The following RAB3C variants were observed in gnomAD, a reference collection of about 807,000 sequenced individuals.
RAB3C encodes RAB3C, member RAS oncogene family.
Under a neutral mutation model 26.4 loss-of-function variants are expected in RAB3C, and 17 were observed. The observed-to-expected ratio is 0.64, with a 90% CI of 0.44 to 0.97. The LOEUF is 0.97. Among genes scored for constraint, RAB3C ranks in the 50% least tolerant of loss-of-function variants. RAB3C has a pLI of 0.00. For synonymous variants in RAB3C, 91 were observed against 95.9 expected (o/e 0.95, Z 0.30); for missense variants, 242 against 281.9 (o/e 0.86, Z 1.01).
chr5:58,640,038 G>C (rs158966), intron 2 of RAB3C, among the ~76,000 whole-genome samples: 1 of 152,006 alleles, frequency 6.6e-6, no homozygotes, highest in Non-Finnish European at 1.5e-5. Flanking sequence ...TACATAAAGG[G>C]AATCTACTGC....
chr5:58,839,766 C>T (rs1261352604), intron 4 of RAB3C, among the ~76,000 whole-genome samples: 1 of 152,114 alleles, frequency 6.6e-6, no homozygotes, highest in Admixed American at 6.6e-5. Flanking sequence ...TTTTTACTTC[C>T]AAATGTAAGA....
At chr5:58,613,279 C>G (rs9292168) in intron 1 of RAB3C, among the ~76,000 whole-genome samples, 19,909 of 152,182 alleles carry the variant, frequency 0.13, 1,686 homozygotes, top group South Asian at 0.2. Flanking sequence ...AAGACACCAA[C>G]TTTTAAAGGT....
intron 3 of RAB3C, among the ~76,000 whole-genome samples, chr5:58,750,057 T>C (rs577545988): frequency 6.6e-6 from 1 of 152,328 alleles, no homozygotes; most frequent in South Asian, 2.1e-4. Flanking sequence ...ATTTATTAAA[T>C]GTATAGTATA....
chr5:58,663,773 C>A (rs1008643999), intron 2 of RAB3C, among the ~76,000 whole-genome samples: 9 of 151,938 alleles, frequency 5.9e-5, no homozygotes, highest in African/African-American at 2.2e-4. Context: ...AAAATGAAAA[C>A]AAACAAAAAA....
At chr5:58,775,808 C>G (rs1742119281) in intron 3 of RAB3C, among the ~76,000 whole-genome samples, 1 of 152,086 alleles carries the variant, frequency 6.6e-6, no homozygotes, top group Non-Finnish European at 1.5e-5. Flanking sequence ...AGTGGTGAAG[C>G]CTCCGGGCTT....
chr5:58,688,760 A>T (rs1748499231), intron 2 of RAB3C, among the ~76,000 whole-genome samples: 1 of 152,160 alleles, frequency 6.6e-6, no homozygotes, highest in Admixed American at 6.6e-5. Flanking sequence ...CTCCATAAAG[A>T]TATTGCGTAT....
At chr5:58,687,680 G>A (rs137961393) in intron 2 of RAB3C, among the ~76,000 whole-genome samples, 1 of 152,114 alleles carries the variant, frequency 6.6e-6, no homozygotes, top group East Asian at 1.9e-4. Context: ...CTAGAGAGGA[G>A]GTAGCTTAAT....
chr5:58,796,891 C>A (rs1379438722), intron 3 of RAB3C, among the ~76,000 whole-genome samples: 1 of 151,856 alleles, frequency 6.6e-6, no homozygotes, highest in Non-Finnish European at 1.5e-5. Flanking sequence ...GTCATCTTCC[C>A]TGGGCACAGA....
intron 1 of RAB3C, among the ~76,000 whole-genome samples, chr5:58,590,532 CTTAT>C (rs34521886): frequency 1.3e-5 from 2 of 151,426 alleles, no homozygotes; most frequent in South Asian, 2.1e-4. Flanking sequence ...ATTTGGTTCA[CTTAT>C]TTATTTATTT....
At position 58,699,380 on chromosome 5, in the gene RAB3C, C is replaced by T. The variant is rs112659668; in HGVS notation, c.253-26622C>T. ...GCCACCTATATGAGGTTTCTGTCAA[C>T]CCCTACTGGGAGGTGTCCTCCAGTT... On this transcript the variant is annotated intron_variant, in intron 2 of 4. Coordinates refer to ENST00000282878, the MANE Select transcript of RAB3C (RefSeq NM_138453.4). 3.9e-3 allele frequency among the ~76,000 whole-genome samples: 597 copies of T among 152,298 alleles called. 1 individual carries two copies. The highest frequency in any genetic ancestry group is 0.012 in the African/African-American group (500 of 41,564).
intron 1 of RAB3C, among the ~76,000 whole-genome samples, chr5:58,586,952 A>G (rs1048329846): frequency 9.9e-5 from 15 of 152,188 alleles, no homozygotes; most frequent in African/African-American, 3.6e-4. Context: ...ATTCCTAACC[A>G]TATCCATCCT....
intron 3 of RAB3C, among the ~76,000 whole-genome samples, chr5:58,785,825 A>G (rs1742366771): frequency 6.6e-6 from 1 of 152,268 alleles, no homozygotes; most frequent in Non-Finnish European, 1.5e-5. Context: ...GGTAAATCTA[A>G]TATGATCACA....
chr5:58,753,795 A>G (rs1373754916), intron 3 of RAB3C, among the ~76,000 whole-genome samples: 1 of 152,206 alleles, frequency 6.6e-6, no homozygotes, highest in Non-Finnish European at 1.5e-5. Flanking sequence ...CTGGGATGAA[A>G]TGGCTGTCTC....
At chr5:58,810,692 G>A (rs1230174742) in intron 3 of RAB3C, among the ~76,000 whole-genome samples, 1 of 152,142 alleles carries the variant, frequency 6.6e-6, no homozygotes, top group Non-Finnish European at 1.5e-5. Context: ...CACCTCCGAG[G>A]TTCAAGCGAT....
chr5:58,815,001 C>T (rs1743184967), intron 3 of RAB3C, among the ~76,000 whole-genome samples: 1 of 152,132 alleles, frequency 6.6e-6, no homozygotes. Flanking sequence ...AGACTTACCA[C>T]AGAGAGGTGG....
chr5:58,781,565 TG>T (rs1177203814), intron 3 of RAB3C, among the ~76,000 whole-genome samples: 3 of 151,602 alleles, frequency 2.0e-5, no homozygotes, highest in African/African-American at 4.8e-5. Flanking sequence ...AATTCTTAGT[TG>T]AAAAAAAAAA....
At chr5:58,810,648 G>A (rs976134483) in intron 3 of RAB3C, among the ~76,000 whole-genome samples, 4 of 152,264 alleles carry the variant, frequency 2.6e-5, no homozygotes, top group South Asian at 2.1e-4. Flanking sequence ...CCAGGCTGGA[G>A]TATAGTGGCA....
chr5:58,640,648 A>C (rs887120052), intron 2 of RAB3C, among the ~76,000 whole-genome samples: 2 of 152,168 alleles, frequency 1.3e-5, no homozygotes, highest in Non-Finnish European at 2.9e-5. Context: ...TGCCACTGAA[A>C]TATCTGACCC....
rs536623876 is a variant in RAB3C at position 58,605,585 on chromosome 5, G to C, written c.25-12058G>C. On this transcript the variant is annotated intron_variant, in intron 1 of 4. Coordinates refer to ENST00000282878, the MANE Select transcript of RAB3C (RefSeq NM_138453.4). ...CTTAACGGAGCAGAAACTTCTGTGG[G>C]AACTAGCACTGAAGTAGAAAAACCT... Among the ~76,000 whole-genome samples, 10 of 152,276 alleles carry C rather than the reference G, an allele frequency of 6.6e-5. No homozygotes were observed. The South Asian group carries it at 1.9e-3, about 28-fold the overall frequency.
Sources: gnomAD v4.1 joint callset for allele counts (sites outside exome capture counted in the v4.1 genomes callset) on GRCh38, gnomAD v4.1.1 for gene constraint, MANE v1.5 for transcripts, NCBI Gene and HGNC (gene_info 2026-07-23, HGNC 2026-07-21) for gene names.